The following ACVR1 variants were observed in gnomAD, a reference collection of about 807,000 sequenced individuals.
ACVR1 encodes the protein activin receptor type-1.
A neutral mutation model predicts 57.1 loss-of-function variants in ACVR1; 38 were observed. The ratio of observed to expected loss-of-function variants is 0.67; its 90% CI spans 0.51 to 0.87. The LOEUF (loss-of-function observed/expected upper bound fraction) is 0.87. Among genes scored for constraint, ACVR1 ranks in the 40% least tolerant of loss-of-function variants. The probability of loss-of-function intolerance (pLI) is 0.00; values close to 1 mark genes in which losing one functional copy is unlikely to be tolerated. For synonymous variants in ACVR1, 212 were observed against 228.1 expected (o/e 0.93, Z 0.63); for missense variants, 463 against 638.2 (o/e 0.73, Z 2.96).
Position 157,855,304 on chromosome 2 carries a change from GTGTGTA to G in ACVR1, c.-183+20486_-183+20491del, listed in dbSNP as rs1310450202. On this transcript the variant is annotated intron_variant, in intron 1 of 10. Transcript: ENST00000434821. ...TGTGTGTGTGTGTGTGTGTGTGTGT[GTGTGTA>G]TATATATATATATACACACACACAC... Among the ~76,000 whole-genome samples, 8 of 61,698 alleles carry G rather than the reference GTGTGTA, an allele frequency of 1.3e-4. 1 individual carries two copies. Among genetic ancestry groups the G allele is most frequent in the Non-Finnish European group, 2.0e-4 (7 of 34,780 alleles). The allele number at this position is 61,698 out of a possible 152,430, so 40.5% of individuals were successfully genotyped here. A position where few individuals can be genotyped will look rare whatever the true frequency, so the allele number is the denominator to read the frequency against.
At chr2:157,799,023 A>G (rs1687224774) in intron 3 of ACVR1, among the ~76,000 whole-genome samples, 1 of 151,872 alleles carries the variant, frequency 6.6e-6, no homozygotes, top group Admixed American at 6.6e-5. Flanking sequence ...CAGCCTCCCA[A>G]GTAGCTGGGA....
intron 9 of ACVR1, among the ~76,000 whole-genome samples, chr2:157,753,472 G>A (rs1685292174): frequency 6.6e-6 from 1 of 152,124 alleles, no homozygotes; most frequent in Non-Finnish European, 1.5e-5. Context: ...AGGTTGCAGT[G>A]AGTAAAGATT....
intron 9 of ACVR1, among the ~76,000 whole-genome samples, chr2:157,760,360 G>A (rs961773407): frequency 2.6e-5 from 4 of 151,948 alleles, no homozygotes; most frequent in Admixed American, 1.3e-4. Context: ...CATAAGAGCT[G>A]GATGGAAAAA....
intron 1 of ACVR1, among the ~76,000 whole-genome samples, chr2:157,824,930 G>A (rs1688288595): frequency 6.6e-6 from 1 of 152,074 alleles, no homozygotes. Flanking sequence ...ATTTTTGGTG[G>A]AGATGGGGTT....
chr2:157,848,294 C>G (rs1473955411), intron 1 of ACVR1, among the ~76,000 whole-genome samples: 1 of 151,914 alleles, frequency 6.6e-6, no homozygotes, highest in African/African-American at 2.4e-5. Context: ...AAACTGGAAG[C>G]TTCCACTTCC....
intron 2 of ACVR1, among the ~76,000 whole-genome samples, chr2:157,810,984 A>C (rs1372079279): frequency 6.6e-6 from 1 of 152,054 alleles, no homozygotes; most frequent in Non-Finnish European, 1.5e-5. Context: ...CACCCCCTAG[A>C]GATTTTGATC....
chr2:157,815,334 G>C (rs1222051453), intron 2 of ACVR1, among the ~76,000 whole-genome samples: 2 of 152,016 alleles, frequency 1.3e-5, no homozygotes, highest in African/African-American at 4.8e-5. Context: ...TTGGGAGACA[G>C]AAAAGGGAGA....
intron 6 of ACVR1, among the ~76,000 whole-genome samples, chr2:157,771,121 A>G (rs1574044266): frequency 6.6e-6 from 1 of 152,368 alleles, no homozygotes; most frequent in East Asian, 1.9e-4. Context: ...CAGCCACTGC[A>G]TCCATAAAGA....
chr2:157,758,645 C>A, intron 9 of ACVR1, among the ~76,000 whole-genome samples: 1 of 152,032 alleles, frequency 6.6e-6, no homozygotes, highest in East Asian at 1.9e-4. Context: ...AACAGATCAT[C>A]TAGACAGAAA....
chr2:157,741,091 C>T (rs1684740264), intron 9 of ACVR1, among the ~76,000 whole-genome samples: 1 of 152,154 alleles, frequency 6.6e-6, no homozygotes, highest in African/African-American at 2.4e-5. Flanking sequence ...ATAAGACATG[C>T]TCTTGTTTTC....
At chr2:157,830,733 CAAAAAA>C (rs10711957) in intron 1 of ACVR1, among the ~76,000 whole-genome samples, 1 of 136,720 alleles carries the variant, frequency 7.3e-6, no homozygotes. Flanking sequence ...TTTGTTTCAC[CAAAAAA>C]AAAAAAAAAA....
intron 1 of ACVR1, among the ~76,000 whole-genome samples, chr2:157,863,336 CTT>C (rs1161335923): frequency 0.13 from 4,744 of 35,488 alleles, 243 homozygotes; most frequent in African/African-American, 0.22. Flanking sequence ...AATTGTTTCT[CTT>C]TTTTTTTTTT....
intron 1 of ACVR1, among the ~76,000 whole-genome samples, chr2:157,838,581 G>C (rs1173603806): frequency 6.6e-6 from 1 of 152,110 alleles, no homozygotes; most frequent in Non-Finnish European, 1.5e-5. Flanking sequence ...CAGAAAATAT[G>C]TCCTTCTGTA....
At chr2:157,750,684 T>C (rs1685151874) in intron 9 of ACVR1, among the ~76,000 whole-genome samples, 1 of 150,324 alleles carries the variant, frequency 6.7e-6, no homozygotes, top group Non-Finnish European at 1.5e-5. Context: ...ACAAAGAACA[T>C]GAAAAAAACA....
intron 1 of ACVR1, among the ~76,000 whole-genome samples, chr2:157,865,752 G>A (rs542391895): frequency 2.8e-5 from 4 of 144,216 alleles, no homozygotes; most frequent in East Asian, 4.1e-4. Flanking sequence ...CCGATATCGC[G>A]CCACTGCACT....
chr2:157,861,078 C>G (rs895399650), intron 1 of ACVR1, among the ~76,000 whole-genome samples: 1 of 152,230 alleles, frequency 6.6e-6, no homozygotes, highest in Non-Finnish European at 1.5e-5. Flanking sequence ...CAACATCCTA[C>G]TTAACCTTGA....
intron 3 of ACVR1, among the ~76,000 whole-genome samples, chr2:157,793,556 A>T (rs1686999292): frequency 6.6e-6 from 1 of 152,216 alleles, no homozygotes; most frequent in Non-Finnish European, 1.5e-5. Context: ...AGATATTTAC[A>T]TTCTAGGTCC....
intron 3 of ACVR1, among the ~76,000 whole-genome samples, chr2:157,781,188 T>C (rs1284283903): frequency 6.6e-6 from 1 of 152,130 alleles, no homozygotes; most frequent in African/African-American, 2.4e-5. Flanking sequence ...AATTTAAAAA[T>C]TTTTCTGGAT....
rs1442085600 is a variant in ACVR1 at position 157,826,772 on chromosome 2, AAAGGAAAGGAAAGG to A, written c.-182-8227_-182-8214del. ...AAAGGAAAGGAAAGGAAAGGAAAGG[AAAGGAAAGGAAAGG>A]AAAGGGAAAGGGAAAAGGAAAAGGA... On this transcript the variant is annotated intron_variant, in intron 1 of 10. Coordinates refer to ENST00000434821, the MANE Select transcript of ACVR1 (RefSeq NM_001111067.4). The A allele has an allele frequency of 1.6e-3, 106 of 67,100 alleles. 6 individuals are homozygous for A. The highest frequency in any genetic ancestry group is 0.017 in the Middle Eastern group (2 of 118). The allele number at this position is 67,100 out of a possible 1,614,324, so 4.2% of individuals were successfully genotyped here. A position where few individuals can be genotyped will look rare whatever the true frequency, so the allele number is the denominator to read the frequency against.
Sources: gnomAD v4.1 joint callset for allele counts (sites outside exome capture counted in the v4.1 genomes callset) on GRCh38, gnomAD v4.1.1 for gene constraint, MANE v1.5 for transcripts, NCBI Gene and HGNC (gene_info 2026-07-23, HGNC 2026-07-21) for gene names.